Variants in TMTC2 observed in about 807,000 individuals in gnomAD.
The protein encoded by TMTC2 is transmembrane O-mannosyltransferase targeting cadherins 2.
A neutral mutation model predicts 82.4 loss-of-function variants in TMTC2; 43 were observed. That is an observed-to-expected ratio of 0.52 (90% confidence interval 0.41 to 0.67). TMTC2 has a LOEUF of 0.67. Among genes scored for constraint, TMTC2 ranks in the 30% least tolerant of loss-of-function variants. TMTC2 has a pLI of 0.00. For missense variants in TMTC2, 919 were observed against 1,012.4 expected (o/e 0.91, Z 1.25); for synonymous variants, 408 against 381.9 (o/e 1.07, Z -0.80).
At chr12:82,791,943 T>C (rs557293855) in intron 1 of TMTC2, among the ~76,000 whole-genome samples, 1 of 152,280 alleles carries the variant, frequency 6.6e-6, no homozygotes, top group African/African-American at 2.4e-5. Context: ...GTTCTAAGCT[T>C]CTTATCATTC....
chr12:82,883,055 CAAAAA>C (rs66496024), intron 2 of TMTC2, among the ~76,000 whole-genome samples: 1 of 68,258 alleles, frequency 1.5e-5, no homozygotes, highest in Non-Finnish European at 3.8e-5. Context: ...AACTTGGTCT[CAAAAA>C]AAAAAAAAAA....
At chr12:82,983,733 GTTTGAT>G (rs1879031938) in intron 7 of TMTC2, among the ~76,000 whole-genome samples, 2 of 151,966 alleles carry the variant, frequency 1.3e-5, no homozygotes. Flanking sequence ...GTGAATTTCA[GTTTGAT>G]TTTGTATGGG....
intron 11 of TMTC2, among the ~76,000 whole-genome samples, chr12:83,112,317 C>A (rs1884625402): frequency 6.6e-6 from 1 of 152,176 alleles, no homozygotes; most frequent in South Asian, 2.1e-4. Flanking sequence ...CCACGTGCAT[C>A]CCCGCATCTC....
chr12:82,721,986 C>T (rs1259452833), intron 1 of TMTC2, among the ~76,000 whole-genome samples: 1 of 152,080 alleles, frequency 6.6e-6, no homozygotes, highest in Non-Finnish European at 1.5e-5. Flanking sequence ...CTTCTGACAT[C>T]ATCAGGGATT....
intron 11 of TMTC2, among the ~76,000 whole-genome samples, chr12:83,069,399 T>C (rs1045837032): frequency 2.0e-5 from 3 of 152,098 alleles, no homozygotes; most frequent in African/African-American, 7.2e-5. Context: ...CTTGCAGGAG[T>C]AAGGTGGTGT....
intron 8 of TMTC2, among the ~76,000 whole-genome samples, chr12:82,999,369 A>T (rs1879813731): frequency 6.6e-6 from 1 of 152,222 alleles, no homozygotes; most frequent in African/African-American, 2.4e-5. Context: ...GATATCTATT[A>T]GCGATGTGAC....
At chr12:82,978,593 G>T (rs1414059190) in intron 7 of TMTC2, among the ~76,000 whole-genome samples, 2 of 151,656 alleles carry the variant, frequency 1.3e-5, no homozygotes, top group African/African-American at 4.8e-5. Context: ...TTCTAAGACT[G>T]CTTTGTGGCA....
At chr12:82,940,198 G>A (rs979723515) in intron 4 of TMTC2, among the ~76,000 whole-genome samples, 2 of 151,660 alleles carry the variant, frequency 1.3e-5, no homozygotes, top group African/African-American at 4.8e-5. Flanking sequence ...TGTATTTTTA[G>A]TAGAGATGGA....
intron 1 of TMTC2, among the ~76,000 whole-genome samples, chr12:82,781,399 CTTTTTTTTTTTTT>C (rs71068954): frequency 3.3e-5 from 4 of 121,172 alleles, no homozygotes; most frequent in Non-Finnish European, 5.0e-5. Flanking sequence ...GGAGTTTGCT[CTTTTTTTTTTTTT>C]TTTTTTTTAG....
intron 10 of TMTC2, among the ~76,000 whole-genome samples, chr12:83,059,538 T>C (rs1457472096): frequency 6.6e-6 from 1 of 151,828 alleles, no homozygotes; most frequent in African/African-American, 2.4e-5. Flanking sequence ...TGTGTAGTTA[T>C]ATGACATATA....
intron 2 of TMTC2, among the ~76,000 whole-genome samples, chr12:82,869,087 A>T (rs761931929): frequency 1.3e-5 from 2 of 152,208 alleles, no homozygotes; most frequent in Admixed American, 1.3e-4. Flanking sequence ...AATTCAATAC[A>T]TAAAAATATG....
At position 82,857,051 on chromosome 12, in the gene TMTC2, C is replaced by A. The variant is rs934710430; in HGVS notation, c.125C>A (p.Pro42Gln). The A allele has an allele frequency of 6.2e-7, 1 of 1,613,278 alleles. No homozygotes were observed. Among genetic ancestry groups the A allele is most frequent in the East Asian group, 2.2e-5 (1 of 44,888 alleles). ...AATCAGGACCTTCTCCCAGAAACTCCATGGACGCACATTTTCTACAATGAT... is the reference window on the plus strand; with the variant it reads ...AATCAGGACCTTCTCCCAGAAACTCAATGGACGCACATTTTCTACAATGAT... Reference protein sequence around the residue: ...KTNQDLLPETPWTHIFYNDFW... With the variant: ...KTNQDLLPETQWTHIFYNDFW... Residue 42 changes from proline (P) to glutamine (Q), a missense_variant, in exon 2 of 12, where the codon CCA (proline) becomes CAA (glutamine). By Grantham distance (76) the Pro-to-Gln change is moderately conservative. Transcript: ENST00000321196.
chr12:82,932,316 G>A (rs2137246018), intron 4 of TMTC2, among the ~76,000 whole-genome samples: 1 of 152,228 alleles, frequency 6.6e-6, no homozygotes, highest in African/African-American at 2.4e-5. Context: ...CAGCAGATAT[G>A]TTTTGTGTCG....
chr12:82,750,427 A>C (rs548323308), intron 1 of TMTC2, among the ~76,000 whole-genome samples: 15 of 152,136 alleles, frequency 9.9e-5, no homozygotes, highest in African/African-American at 3.4e-4. Context: ...GGCTTAGAGG[A>C]TCTTGTTGGC....
At chr12:82,950,519 C>G (rs574415767) in intron 4 of TMTC2, among the ~76,000 whole-genome samples, 122 of 152,320 alleles carry the variant, frequency 8.0e-4, no homozygotes, top group African/African-American at 2.9e-3. Flanking sequence ...CCATTCTGAT[C>G]TTTGAACCCT....
At chr12:82,874,144 G>A (rs2137141773) in intron 2 of TMTC2, among the ~76,000 whole-genome samples, 1 of 152,324 alleles carries the variant, frequency 6.6e-6, no homozygotes, top group African/African-American at 2.4e-5. Flanking sequence ...AAAAATGTTA[G>A]ACATTTGAGA....
intron 1 of TMTC2, among the ~76,000 whole-genome samples, chr12:82,787,587 CTT>C (rs1466236280): frequency 2.0e-5 from 3 of 152,012 alleles, no homozygotes; most frequent in Non-Finnish European, 4.4e-5. Context: ...CTGTAATACT[CTT>C]AGCGGATTAA....
At chr12:83,058,210 G>A (rs188812078) in intron 10 of TMTC2, among the ~76,000 whole-genome samples, 32 of 151,910 alleles carry the variant, frequency 2.1e-4, no homozygotes, top group South Asian at 4.2e-4. Flanking sequence ...ATGGAATTCC[G>A]CAGTACGCAA....
intron 11 of TMTC2, among the ~76,000 whole-genome samples, chr12:83,076,629 G>A (rs556477527): frequency 4.2e-4 from 64 of 152,244 alleles, no homozygotes; most frequent in African/African-American, 1.5e-3. Flanking sequence ...CCCATCGCCG[G>A]TCACCACATT....
Sources: allele counts gnomAD v4.1 joint callset (sites outside exome capture counted in the v4.1 genomes callset), GRCh38; gene constraint gnomAD v4.1.1; transcripts MANE v1.5; gene names NCBI Gene and HGNC (gene_info 2026-07-23, HGNC 2026-07-21).